The following C3orf85 variants were observed in gnomAD, a reference collection of about 807,000 sequenced individuals.
C3orf85 encodes the protein chromosome 3 open reading frame 85.
A neutral mutation model predicts 1.7 loss-of-function variants in C3orf85; 1 was observed. That is an observed-to-expected ratio of 0.60 (90% CI 0.21 to 2.86). The LOEUF (loss-of-function observed/expected upper bound fraction) is 2.86. Among genes scored for constraint, C3orf85 ranks in the 30% most tolerant of loss-of-function variants. The pLI is 0.22. For missense variants in C3orf85, 29 were observed against 21.3 expected (o/e 1.36, Z -0.72); for synonymous variants, 17 against 8.0 (o/e 2.13, Z -1.90).
intron 2 of C3orf85, among the ~76,000 whole-genome samples, chr3:109,137,252 C>T (rs1706688040): frequency 6.6e-6 from 1 of 151,952 alleles, no homozygotes. Flanking sequence ...TATATGAAGA[C>T]CTCAAAGTAC....
chr3:109,143,862 T>C (rs1374475634), intron 2 of C3orf85, among the ~76,000 whole-genome samples: 1 of 152,196 alleles, frequency 6.6e-6, no homozygotes, highest in Non-Finnish European at 1.5e-5. Flanking sequence ...AGGAGAGCTG[T>C]GATCCCAAAT....
At chr3:109,137,637 G>GTGTGTGTGTATATATATATATA (rs751674362) in intron 2 of C3orf85, among the ~76,000 whole-genome samples, 13 of 79,894 alleles carry the variant, frequency 1.6e-4, no homozygotes, top group Non-Finnish European at 2.9e-4. Flanking sequence ...GTGTGTGTGT[G>GTGTGTGTGTATATATATATATA]TATATATATA....
At chr3:109,138,469 T>G (rs745626539) in intron 2 of C3orf85, among the ~76,000 whole-genome samples, 1 of 152,244 alleles carries the variant, frequency 6.6e-6, no homozygotes, top group Non-Finnish European at 1.5e-5. Flanking sequence ...TTTGCTTCTT[T>G]TCCTCCACAT....
chr3:109,142,328 C>A (rs1706750411), intron 2 of C3orf85, among the ~76,000 whole-genome samples: 1 of 152,140 alleles, frequency 6.6e-6, no homozygotes, highest in Non-Finnish European at 1.5e-5. Context: ...AGGACTGAGA[C>A]TCAGCAGTTC....
rs1706861501 is a variant in C3orf85 at position 109,150,885 on chromosome 3, G to A, written c.*991G>A. Among the ~76,000 whole-genome samples, 1 of 152,074 alleles carries A rather than the reference G, an allele frequency of 6.6e-6. No individual in the cohort carries two copies. The highest frequency in any genetic ancestry group is 2.4e-5 in the African/African-American group (1 of 41,394). ...CCTAAGACCTTAGTTGATCTTATGT[G>A]GTCTTAAAACAATCTTAAGCACTTT... On this transcript the variant is annotated 3_prime_UTR_variant, in exon 4 of 4. Transcript: ENST00000622536.
chr3:109,137,001 G>A (rs1170091980), intron 2 of C3orf85, 105 bp downstream of exon 2: 2 of 394,918 alleles, frequency 5.1e-6, no homozygotes, highest in Non-Finnish European at 8.9e-6. Context: ...TTATCCATAG[G>A]CCTATTCTAT....
chr3:109,138,917 A>G (rs1055095855), intron 2 of C3orf85, among the ~76,000 whole-genome samples: 15 of 152,242 alleles, frequency 9.9e-5, no homozygotes, highest in African/African-American at 2.9e-4. Flanking sequence ...AAGGAGAGAT[A>G]AAGAAAAAAA....
In C3orf85 at chr3:109,149,857, T is replaced by C. The variant is rs1334424043; in HGVS notation, c.236T>C (p.Met79Thr). Residue 79 changes from methionine (M) to threonine (T), a missense_variant, in exon 4 of 4, where the codon ATG (methionine) becomes ACG (threonine). Coordinates refer to ENST00000622536, the MANE Select transcript of C3orf85 (RefSeq NM_001351622.2). Reference protein sequence around the residue: ...LKTTAQYYLDMNTFTFDMSTA... With the variant: ...LKTTAQYYLDTNTFTFDMSTA... ...ACAACAGCACAGTATTATTTGGATA[T>C]GAATACCTTCACCTTTGACATGTCT... 2.5e-6 allele frequency: 1 copy of C among 398,546 alleles called. No individual in the cohort carries two copies. Among genetic ancestry groups the C allele is most frequent in the Non-Finnish European group, 4.4e-6 (1 of 225,688 alleles). 24.7% of individuals were successfully genotyped at this position (398,546 alleles called of 1,614,324 possible). A position where few individuals can be genotyped will look rare whatever the true frequency, so the allele number is the denominator to read the frequency against.
chr3:109,146,827 A>C (rs1706804073), intron 2 of C3orf85, among the ~76,000 whole-genome samples: 1 of 152,182 alleles, frequency 6.6e-6, no homozygotes, highest in South Asian at 2.1e-4. Context: ...ACTACTATAC[A>C]AGAATATGGA....
At chr3:109,142,294 T>TA (rs1706750286) in intron 2 of C3orf85, among the ~76,000 whole-genome samples, 1 of 152,306 alleles carries the variant, frequency 6.6e-6, no homozygotes, top group South Asian at 2.1e-4. Context: ...CATCTTTTCT[T>TA]AAAAAATAAA....
At chr3:109,146,910 A>G (rs917932185) in intron 2 of C3orf85, among the ~76,000 whole-genome samples, 1 of 152,172 alleles carries the variant, frequency 6.6e-6, no homozygotes, top group Non-Finnish European at 1.5e-5. Context: ...GGATTATACT[A>G]AATTGGATTA....
At chr3:109,142,119 AACTCCCCCT>A (rs1296273677) in intron 2 of C3orf85, among the ~76,000 whole-genome samples, 1 of 152,188 alleles carries the variant, frequency 6.6e-6, no homozygotes, top group Non-Finnish European at 1.5e-5. Context: ...TAAATCGTAT[AACTCCCCCT>A]ACATTTACAG....
At position 109,147,678 on chromosome 3, in the gene C3orf85, T is replaced by C. The variant is rs550187381; in HGVS notation, c.50-575T>C. ...GTTGCAAAATACAAGGTGGTTCGATTTGATGGTGAATTGATCAATGCCAAC... is the reference window on the plus strand; with the variant it reads ...GTTGCAAAATACAAGGTGGTTCGATCTGATGGTGAATTGATCAATGCCAAC... On this transcript the variant is annotated intron_variant, in intron 2 of 3. Transcript: ENST00000622536. Among the ~76,000 whole-genome samples, 6 of 152,198 alleles carry C rather than the reference T, an allele frequency of 3.9e-5. No individual in the cohort carries two copies. The East Asian group carries it at 1.2e-3, about 29-fold the overall frequency.
At chr3:109,143,868 C>G (rs1170588582) in intron 2 of C3orf85, among the ~76,000 whole-genome samples, 1 of 152,122 alleles carries the variant, frequency 6.6e-6, no homozygotes, top group Non-Finnish European at 1.5e-5. Flanking sequence ...GCTGTGATCC[C>G]AAATAGTGTT....
intron 2 of C3orf85, among the ~76,000 whole-genome samples, 176 bp from the exon 3 acceptor site, chr3:109,148,077 T>C (rs1706819783): frequency 6.6e-6 from 1 of 152,124 alleles, no homozygotes; most frequent in Non-Finnish European, 1.5e-5. Flanking sequence ...GTGGTTAGCA[T>C]ACAGTGGTGA....
In C3orf85 at chr3:109,142,722, T is replaced by C. The variant is rs1298042785; in HGVS notation, c.50-5531T>C. The stretch of plus-strand genomic sequence containing the variant: ...TGCTCTGTTTTTTTTTTTTTCTCCC[T>C]CCTTTTTTAGTGAGGCTTTGAGCAA... On this transcript the variant is annotated intron_variant, in intron 2 of 3. Transcript: ENST00000622536. 3.3e-5 allele frequency among the ~76,000 whole-genome samples: 5 copies of C among 150,928 alleles called. No individual in the cohort carries two copies. The East Asian group carries it at 7.8e-4, about 23-fold the overall frequency.
intron 2 of C3orf85, among the ~76,000 whole-genome samples, chr3:109,142,083 T>C (rs1706748660): frequency 6.6e-6 from 1 of 152,176 alleles, no homozygotes; most frequent in African/African-American, 2.4e-5. Context: ...AACATGAACG[T>C]AAACATGAGT....
At chr3:109,137,637 G>GTGGGTATATATATATATATA (rs751674362) in intron 2 of C3orf85, among the ~76,000 whole-genome samples, 1 of 79,896 alleles carries the variant, frequency 1.3e-5, no homozygotes. Flanking sequence ...GTGTGTGTGT[G>GTGGGTATATATATATATATA]TATATATATA....
intron 2 of C3orf85, 139 bp from the exon 3 acceptor site, chr3:109,148,114 C>T (rs576703193): frequency 2.7e-5 from 16 of 603,134 alleles, no homozygotes; most frequent in Middle Eastern, 3.8e-4. Context: ...AGCTGTCTCA[C>T]TCAGAGCTTA....
Sources: allele counts gnomAD v4.1 joint callset (sites outside exome capture counted in the v4.1 genomes callset), GRCh38; gene constraint gnomAD v4.1.1; transcripts MANE v1.5; gene names NCBI Gene and HGNC (gene_info 2026-07-23, HGNC 2026-07-21).